COL4A5: variants seen among roughly 807,000 people sequenced by gnomAD.
COL4A5 encodes collagen alpha-5(IV) chain.
COL4A5 carries 26 observed loss-of-function variants against 130.2 expected under a neutral mutation model. The ratio of observed to expected loss-of-function variants is 0.20; its 90% confidence interval spans 0.15 to 0.28. COL4A5 has a LOEUF of 0.28. Among genes scored for constraint, COL4A5 ranks in the 10% least tolerant of loss-of-function variants. The pLI, the probability that COL4A5 is intolerant of heterozygous loss-of-function variation, is 1.00. For missense variants in COL4A5, 1,131 were observed against 1,344.3 expected (o/e 0.84, Z 2.48); for synonymous variants, 496 against 439.6 (o/e 1.13, Z -1.60).
intron 37 of COL4A5, 88 bp downstream of exon 37, chrX:108,655,545 T>G: frequency 9.6e-7 from 1 of 1,044,435 alleles, no homozygotes. Context: ...TTGGCAGACT[T>G]ATATTTTATT....
At chrX:108,547,619 G>A (rs1205257280) in intron 2 of COL4A5, among the ~76,000 whole-genome samples, 3 of 111,840 alleles carry the variant, frequency 2.7e-5, no homozygotes, top group African/African-American at 3.2e-5. Context: ...TGGGAGAACC[G>A]CTAATCTCTT....
intron 49 of COL4A5, chrX:108,689,299 A>G: frequency 1.3e-6 from 1 of 742,495 alleles, no homozygotes. Flanking sequence ...TTTTTTGTTC[A>G]TTCTCTCTAC....
intron 1 of COL4A5, among the ~76,000 whole-genome samples, chrX:108,451,114 G>A (rs1447116676): frequency 1.8e-5 from 2 of 109,277 alleles, no homozygotes; most frequent in Non-Finnish European, 1.9e-5. Flanking sequence ...TTGTCTTTGC[G>A]ATAGTTTACT....
chrX:108,636,148 T>C (rs1031096329), intron 36 of COL4A5, among the ~76,000 whole-genome samples: 3 of 111,664 alleles, frequency 2.7e-5, no homozygotes, highest in Non-Finnish European at 5.7e-5. Context: ...AATCAAATCA[T>C]GCTGGGAAAA....
At chrX:108,663,040 G>C (rs1219341481) in intron 37 of COL4A5, among the ~76,000 whole-genome samples, 16 of 112,139 alleles carry the variant, frequency 1.4e-4, no homozygotes, top group Non-Finnish European at 9.4e-5. Context: ...GCTGTGCCCA[G>C]AATATTACCT....
chrX:108,689,264 C>T, intron 49 of COL4A5: 1 of 574,306 alleles, frequency 1.7e-6, no homozygotes, highest in Non-Finnish European at 2.1e-6. Flanking sequence ...AGGTAATTTT[C>T]TCTAGTCTTT....
intron 52 of COL4A5, 96 bp downstream of exon 52, chrX:108,695,535 G>A: frequency 8.9e-6 from 8 of 900,632 alleles, no homozygotes; most frequent in South Asian, 6.2e-5. Context: ...CTCAACAAAT[G>A]TTAGGAATTT....
chrX:108,525,797 G>A (rs1326102555), intron 1 of COL4A5, among the ~76,000 whole-genome samples: 1 of 111,028 alleles, frequency 9.0e-6, no homozygotes, highest in Admixed American at 9.6e-5. Context: ...AGCTGGGAGC[G>A]GGAACACTGT....
intron 1 of COL4A5, among the ~76,000 whole-genome samples, chrX:108,505,670 C>A (rs2065117668): frequency 8.9e-6 from 1 of 111,922 alleles, no homozygotes; most frequent in South Asian, 3.8e-4. Context: ...CAGGAAGAGA[C>A]CCCTCACCAG....
intron 13 of COL4A5, among the ~76,000 whole-genome samples, chrX:108,579,110 C>T (rs1370197442): frequency 1.8e-5 from 2 of 111,637 alleles, no homozygotes; most frequent in Non-Finnish European, 3.8e-5. Flanking sequence ...TGCAATCTAA[C>T]TTTAGAAAAT....
intron 6 of COL4A5, 134 bp downstream of exon 6, chrX:108,568,955 C>T (rs939967875): frequency 1.9e-6 from 1 of 517,179 alleles, no homozygotes; most frequent in Non-Finnish European, 3.3e-6. Context: ...AAAGTATGCT[C>T]TGACTATAAT....
chrX:108,574,358 T>G (rs1191961937), intron 9 of COL4A5, among the ~76,000 whole-genome samples: 1 of 111,859 alleles, frequency 8.9e-6, no homozygotes, highest in Non-Finnish European at 1.9e-5. Flanking sequence ...GCCCTTTATA[T>G]TTTATAAATT....
chrX:108,477,170 C>G (rs972407420), intron 1 of COL4A5, among the ~76,000 whole-genome samples: 31 of 111,869 alleles, frequency 2.8e-4, no homozygotes, highest in Non-Finnish European at 5.8e-4. Flanking sequence ...CCCTCAGAGA[C>G]ACGCCTAGGA....
At chrX:108,546,653 C>T (rs2065661157) in intron 2 of COL4A5, among the ~76,000 whole-genome samples, 1 of 111,140 alleles carries the variant, frequency 9.0e-6, no homozygotes, top group Admixed American at 9.6e-5. Flanking sequence ...TGAATGTTGG[C>T]CTGCCTTGCT....
intron 19 of COL4A5, among the ~76,000 whole-genome samples, chrX:108,587,410 ATG>A (rs1569492337): frequency 9.0e-6 from 1 of 111,085 alleles, no homozygotes; most frequent in Non-Finnish European, 1.9e-5. Context: ...ACTTAACGTA[ATG>A]TCCTTCAGGC....
intron 1 of COL4A5, among the ~76,000 whole-genome samples, chrX:108,509,941 G>A (rs944033432): frequency 2.7e-5 from 3 of 112,454 alleles, no homozygotes; most frequent in Non-Finnish European, 5.6e-5. Context: ...TAAAGAAAAT[G>A]TGGTACATTT....
At chrX:108,667,329 T>A in intron 40 of COL4A5, 146 bp downstream of exon 40, 1 of 512,631 alleles carries the variant, frequency 2.0e-6, no homozygotes, top group Non-Finnish European at 3.3e-6. Context: ...CGTTAAAACA[T>A]TTATTATTTA....
chrX:108,526,041 C>G, intron 1 of COL4A5, among the ~76,000 whole-genome samples: 1 of 111,705 alleles, frequency 9.0e-6, no homozygotes, highest in Non-Finnish European at 1.9e-5. Context: ...CTCAGCTACT[C>G]TCACTTGGAA....
At chrX:108,475,852 T>C (rs1204836919) in intron 1 of COL4A5, among the ~76,000 whole-genome samples, 2 of 112,225 alleles carry the variant, frequency 1.8e-5, no homozygotes, top group Non-Finnish European at 3.8e-5. Context: ...TATTAATTTG[T>C]TCAATTACAA....
Sources: gnomAD v4.1 joint callset for allele counts (sites outside exome capture counted in the v4.1 genomes callset) on GRCh38, gnomAD v4.1.1 for gene constraint, MANE v1.5 for transcripts, NCBI Gene and HGNC (gene_info 2026-07-23, HGNC 2026-07-21) for gene names.